DMD: variants seen among roughly 807,000 people sequenced by gnomAD.
DMD encodes dystrophin.
In DMD, 63 loss-of-function variants were observed where a neutral mutation model predicts 330.1. The observed-to-expected ratio is 0.19, with a 90% CI of 0.16 to 0.24. The LOEUF (loss-of-function observed/expected upper bound fraction) is 0.24. Ranked by LOEUF, DMD falls within the 10% of genes least tolerant of loss-of-function variation. The pLI, the probability that DMD is intolerant of heterozygous loss-of-function variation, is 1.00. For synonymous variants in DMD, 1,223 were observed against 959.8 expected (o/e 1.27, Z -5.07); for missense variants, 3,344 against 2,684.1 (o/e 1.25, Z -5.43).
At chrX:32,711,309 T>G (rs1341021879) in intron 7 of DMD, among the ~76,000 whole-genome samples, 1 of 111,234 alleles carries the variant, frequency 9.0e-6, no homozygotes, top group Non-Finnish European at 1.9e-5. Flanking sequence ...AGCAGGGGCC[T>G]GTCTTTCCTG....
intron 67 of DMD, among the ~76,000 whole-genome samples, chrX:31,185,582 T>C (rs1226716284): frequency 8.9e-6 from 1 of 112,123 alleles, no homozygotes; most frequent in Non-Finnish European, 1.9e-5. Context: ...TGGTTCCCTG[T>C]AGATATTTTT....
chrX:32,666,004 C>T (rs187611553), intron 9 of DMD, among the ~76,000 whole-genome samples: 106 of 110,785 alleles, frequency 9.6e-4, no homozygotes, highest in Middle Eastern at 4.7e-3. Context: ...CTGACTGCTG[C>T]CATAAGAACT....
At chrX:31,270,977 C>A (rs927733624) in intron 62 of DMD, among the ~76,000 whole-genome samples, 5 of 111,583 alleles carry the variant, frequency 4.5e-5, no homozygotes, top group African/African-American at 1.6e-4. Flanking sequence ...CAAGCTTGGC[C>A]GCCCTTTGGA....
chrX:33,137,751 G>A lies in DMD; in HGVS notation c.31+73531C>T, dbSNP rs181044731. 2.5e-3 allele frequency among the ~76,000 whole-genome samples: 279 copies of A among 111,421 alleles called. 2 individuals carry two copies. The highest frequency in any genetic ancestry group is 8.6e-3 in the African/African-American group (265 of 30,752). On this transcript the variant is annotated intron_variant, in intron 1 of 78. Transcript: ENST00000357033. ...GCAAAAAAGAAATGACCCTTTTTTG[G>A]AATGAACCAAGAGAGACAGAACTGA...
intron 1 of DMD, among the ~76,000 whole-genome samples, chrX:33,158,039 A>C (rs1050690988): frequency 6.3e-5 from 7 of 111,976 alleles, no homozygotes; most frequent in African/African-American, 2.3e-4. Flanking sequence ...CTTGGCTATA[A>C]AGCTATGAAA....
At chrX:32,885,058 C>A (rs1264709694) in intron 2 of DMD, among the ~76,000 whole-genome samples, 2 of 111,864 alleles carry the variant, frequency 1.8e-5, no homozygotes, top group Non-Finnish European at 3.8e-5. Flanking sequence ...GGATCCTAGC[C>A]TAGCACCACT....
chrX:32,148,004 A>C (rs747444190), intron 44 of DMD, among the ~76,000 whole-genome samples: 116 of 107,159 alleles, frequency 1.1e-3, no homozygotes, highest in African/African-American at 3.9e-3. Flanking sequence ...CAGCCTCCCG[A>C]GTAGCTGGGA....
At chrX:32,473,980 C>T (rs778065072) in intron 21 of DMD, among the ~76,000 whole-genome samples, 1 of 109,852 alleles carries the variant, frequency 9.1e-6, no homozygotes, top group East Asian at 2.9e-4. Context: ...TTCTCTCTCC[C>T]CCCAACCTTC....
chrX:33,136,278 C>CAAA (rs57297863), intron 1 of DMD, among the ~76,000 whole-genome samples: 302 of 19,713 alleles, frequency 0.015, 84 homozygotes, highest in Middle Eastern at 0.13. Flanking sequence ...GACCCCGTCT[C>CAAA]AAAAAAAAAA....
chrX:32,310,595 T>C (rs2097558636), intron 41 of DMD, among the ~76,000 whole-genome samples: 3 of 111,135 alleles, frequency 2.7e-5, no homozygotes, highest in African/African-American at 9.8e-5. Context: ...GCAACCGGCA[T>C]TTAAATTTCT....
chrX:31,518,277 G>A (rs2072434461), intron 55 of DMD, among the ~76,000 whole-genome samples: 1 of 111,537 alleles, frequency 9.0e-6, no homozygotes, highest in Non-Finnish European at 1.9e-5. Flanking sequence ...AAGAGAAAAC[G>A]AGTCTTAAAG....
chrX:33,114,615 G>A (rs887241170), intron 1 of DMD, among the ~76,000 whole-genome samples: 13 of 111,352 alleles, frequency 1.2e-4, no homozygotes, highest in African/African-American at 3.6e-4. Flanking sequence ...AATGAAAAAC[G>A]ATAGAAGGAA....
In DMD at chrX:32,454,690, T is replaced by C; in HGVS notation, c.3575A>G (p.Glu1192Gly). ...CATCTCTTCAACTGCTTTCTGTAAT[T>C]CATCTGGAGTTTTATATTCAAAATC... ...ERDFEYKTPD[E>G]LQKAVEEMKR... The change falls in exon 26 of 79, where the codon GAA becomes GGA. Residue 1192 changes from glutamate to glycine, a missense_variant. Glu to Gly is a moderately conservative substitution (Grantham distance 98). Transcript: ENST00000357033. 1 of 1,197,843 alleles carries C rather than the reference T, an allele frequency of 8.3e-7. No homozygotes were observed. Among genetic ancestry groups the C allele is most frequent in the Non-Finnish European group, 1.1e-6 (1 of 889,171 alleles).
intron 41 of DMD, among the ~76,000 whole-genome samples, chrX:32,335,573 T>C (rs976979765): frequency 1.9e-5 from 2 of 105,768 alleles, no homozygotes; most frequent in African/African-American, 3.4e-5. Context: ...TAACATGTTA[T>C]ATACATAACA....
At chrX:32,837,252 C>G (rs760942151) in intron 4 of DMD, among the ~76,000 whole-genome samples, 1 of 111,959 alleles carries the variant, frequency 8.9e-6, no homozygotes, top group East Asian at 2.8e-4. Flanking sequence ...ACTTCTTCAC[C>G]TCTTCTTTGT....
chrX:32,399,280 C>T (rs1287094658), intron 30 of DMD, among the ~76,000 whole-genome samples: 2 of 111,349 alleles, frequency 1.8e-5, no homozygotes, highest in Non-Finnish European at 3.8e-5. Context: ...AAGCATACAA[C>T]CCACAAAGTG....
At chrX:32,371,578 T>A (rs1569560109) in intron 34 of DMD, among the ~76,000 whole-genome samples, 1 of 111,563 alleles carries the variant, frequency 9.0e-6, no homozygotes, top group Non-Finnish European at 1.9e-5. Flanking sequence ...AGTGATTAAA[T>A]CAGAAAATCA....
intron 2 of DMD, among the ~76,000 whole-genome samples, chrX:32,924,294 G>T (rs186346347): frequency 5.4e-5 from 6 of 111,585 alleles, no homozygotes; most frequent in Non-Finnish European, 7.5e-5. Context: ...TTGGGAGGCT[G>T]AGGCGGGAGG....
At chrX:32,334,096 C>A (rs1238141346) in intron 41 of DMD, among the ~76,000 whole-genome samples, 3 of 111,320 alleles carry the variant, frequency 2.7e-5, no homozygotes, top group Non-Finnish European at 5.7e-5. Context: ...CACAACTAGA[C>A]ACTAGAACAA....
Sources: gnomAD v4.1 joint callset for allele counts (sites outside exome capture counted in the v4.1 genomes callset) on GRCh38, gnomAD v4.1.1 for gene constraint, MANE v1.5 for transcripts, NCBI Gene and HGNC (gene_info 2026-07-23, HGNC 2026-07-21) for gene names.